Variants in PHKG1 observed in about 807,000 individuals in gnomAD.
PHKG1 encodes the protein phosphorylase b kinase gamma catalytic chain, skeletal muscle/heart isoform.
PHKG1 carries 48 observed loss-of-function variants against 50.5 expected under a neutral mutation model. That is an observed-to-expected ratio of 0.95 (90% CI 0.75 to 1.21). PHKG1 has a LOEUF of 1.21. Ranked by LOEUF, PHKG1 falls within the 50% of genes most tolerant of loss-of-function variation. PHKG1 has a pLI of 0.00. For synonymous variants in PHKG1, 204 were observed against 212.8 expected (o/e 0.96, Z 0.36); for missense variants, 487 against 519.5 (o/e 0.94, Z 0.61).
intron 4 of PHKG1, among the ~76,000 whole-genome samples, chr7:56,084,688 T>C (rs1796180205): frequency 6.6e-6 from 1 of 152,102 alleles, no homozygotes; most frequent in Admixed American, 6.5e-5. Context: ...TCCCGATTTT[T>C]TCCCAGGAAA....
intron 5 of PHKG1, 47 bp downstream of exon 5, chr7:56,083,603 C>G: frequency 6.5e-7 from 1 of 1,535,504 alleles, no homozygotes; most frequent in Non-Finnish European, 8.9e-7. Context: ...GCCTGTGGCC[C>G]TAAGCCACGT....
chr7:56,092,103 G>C (rs1310327419), intron 1 of PHKG1, among the ~76,000 whole-genome samples: 1 of 152,244 alleles, frequency 6.6e-6, no homozygotes, highest in African/African-American at 2.4e-5. Flanking sequence ...GGCACAGCCA[G>C]CTTGGCCAAC....
In PHKG1 at chr7:56,089,643, C is replaced by T. The variant is rs1796418268; in HGVS notation, c.-34-668G>A. Reference sequence around the variant, plus strand: ...GGTTCAAGCGATTCTCCTGCCTCAGCCTCCCAAGAAGCTGGAATTACAAGC... The same window carrying T: ...GGTTCAAGCGATTCTCCTGCCTCAGTCTCCCAAGAAGCTGGAATTACAAGC... On this transcript the variant is annotated intron_variant, in intron 1 of 9. Coordinates refer to ENST00000297373, the MANE Select transcript of PHKG1 (RefSeq NM_006213.5). Among the ~76,000 whole-genome samples, 3 of 152,074 alleles carry T rather than the reference C, an allele frequency of 2.0e-5. No homozygotes were observed. The South Asian group carries it at 6.2e-4, about 32-fold the overall frequency.
chr7:56,087,131 C>T, intron 3 of PHKG1, 107 bp from the exon 4 acceptor site: 1 of 812,430 alleles, frequency 1.2e-6, no homozygotes. Flanking sequence ...ACTTCAAAAG[C>T]TGACAGGGGA....
In PHKG1 at chr7:56,081,531, A is replaced by T; in HGVS notation, c.918+99T>A. 5 of 1,402,922 alleles carry T rather than the reference A, an allele frequency of 3.6e-6. No homozygotes were observed. The highest frequency in any genetic ancestry group is 3.0e-6 in the Non-Finnish European group (3 of 1,012,984). 86.9% of individuals were successfully genotyped at this position (1,402,922 alleles called of 1,614,324 possible). A position where few individuals can be genotyped will look rare whatever the true frequency, so the allele number is the denominator to read the frequency against. ...GGCAGCTGGGAGGGGAGGGATGGGT[A>T]CTCTGGAAATTCACGGGGTGTAAGG... On this transcript the variant is annotated intron_variant, in intron 9 of 9. Coordinates refer to ENST00000297373, the MANE Select transcript of PHKG1 (RefSeq NM_006213.5). The surrounding 1 kb of genome is among the most constrained non-coding windows in gnomAD (Gnocchi z 4.6).
chr7:56,087,194 T>TTTATTA (rs56665611), intron 3 of PHKG1, among the ~76,000 whole-genome samples, 170 bp from the exon 4 acceptor site: 10,307 of 135,962 alleles, frequency 0.076, 572 homozygotes, highest in African/African-American at 0.15. Context: ...GCCCAGGGAC[T>TTTATTA]TTATTATTAT....
At position 56,081,751 on chromosome 7, in the gene PHKG1, G is replaced by A. The variant is rs759279805; in HGVS notation, c.797C>T (p.Ser266Phe). 47 of 1,613,138 alleles carry A rather than the reference G, an allele frequency of 2.9e-5. No homozygotes were observed. The highest frequency in any genetic ancestry group is 4.0e-5 in the Non-Finnish European group (47 of 1,179,476). The change falls in exon 9 of 10, where the codon TCC becomes TTC. Residue 266 changes from serine to phenylalanine, a missense_variant. Transcript: ENST00000297373. This position sits in a 1 kb window ranked among gnomAD's most constrained non-coding sequence, Gnocchi z 4.6. ...CTGGGGTTGCACCACCAGGAATCGG[G>A]AGACCTGTGAGAGGAGGAGAGGGGA... is the stretch of plus-strand genomic sequence containing the variant. ...DYSDTVKDLV[S>F]RFLVVQPQNR...
intron 2 of PHKG1, 35 bp downstream of exon 2, chr7:56,088,824 A>AG (rs761323048): frequency 2.7e-6 from 4 of 1,475,808 alleles, no homozygotes; most frequent in Non-Finnish European, 3.8e-6. Flanking sequence ...GCTGGAGCCT[A>AG]GGACAGCACT....
At chr7:56,088,559 G>T in intron 2 of PHKG1, 7 of 230,926 alleles carry the variant, frequency 3.0e-5, no homozygotes, top group East Asian at 9.5e-5. Flanking sequence ...GTCTTGCTAT[G>T]TTGCCCAGGC....
rs779315870 is a variant in PHKG1 at position 56,088,917 on chromosome 7, C to A, written c.25G>T (p.Asp9Tyr). The part of the protein sequence containing the change: MTRDEALP[D>Y]SHSAQDFYEN... ...TAGAAGTCCTGTGCAGAATGAGAGTCCGGCAGTGCCTCGTCCCGGGTCATG... is the reference window on the plus strand; with the variant it reads ...TAGAAGTCCTGTGCAGAATGAGAGTACGGCAGTGCCTCGTCCCGGGTCATG... Residue 9 changes from aspartate (D) to tyrosine (Y), a missense_variant, in exon 2 of 10, where the codon GAC becomes TAC. Physicochemically the swap from Asp to Tyr is radical, Grantham distance 160. Coordinates refer to ENST00000297373, the MANE Select transcript of PHKG1 (RefSeq NM_006213.5). 16 of 1,613,458 alleles carry A rather than the reference C, an allele frequency of 9.9e-6. No individual in the cohort carries two copies. Among genetic ancestry groups the A allele is most frequent in the Non-Finnish European group, 1.4e-5 (16 of 1,179,704 alleles).
intron 6 of PHKG1, 117 bp from the exon 7 acceptor site, chr7:56,082,370 C>T: frequency 1.4e-6 from 1 of 714,476 alleles, no homozygotes; most frequent in East Asian, 2.7e-5. Flanking sequence ...AGGCAGGTGG[C>T]TCATCTGAGG....
At chr7:56,088,635 G>A in intron 2 of PHKG1, 1 of 463,442 alleles carries the variant, frequency 2.2e-6, no homozygotes, top group Non-Finnish European at 3.9e-6. Context: ...GGGATTACAG[G>A]TGTGAGCCAT....
At chr7:56,084,992 C>T (rs540356424) in intron 4 of PHKG1, among the ~76,000 whole-genome samples, 9 of 150,954 alleles carry the variant, frequency 6.0e-5, no homozygotes, top group African/African-American at 2.2e-4. Context: ...AGAAAGTCTT[C>T]CTCTGTTGCC....
chr7:56,088,789 G>C, intron 2 of PHKG1, 70 bp downstream of exon 2: 1 of 1,046,046 alleles, frequency 9.6e-7, no homozygotes, highest in Non-Finnish European at 1.5e-6. Context: ...GGGTGGAGCA[G>C]AGCTGGCTGT....
chr7:56,082,376 T>A, intron 6 of PHKG1, 123 bp from the exon 7 acceptor site: 1 of 680,844 alleles, frequency 1.5e-6, no homozygotes, highest in Non-Finnish European at 2.5e-6. Flanking sequence ...GTGGCTCATC[T>A]GAGGCCAGGA....
rs573821445 is a variant in PHKG1 at position 56,080,791 on chromosome 7, A to AG, written c.*262dup. 8.5e-4 allele frequency: 445 copies of AG among 525,972 alleles called. 2 individuals carry two copies. Among genetic ancestry groups the AG allele is most frequent in the African/African-American group, 7.7e-3 (403 of 52,602 alleles). 32.6% of individuals were successfully genotyped at this position (525,972 alleles called of 1,614,324 possible). A position where few individuals can be genotyped will look rare whatever the true frequency, so the allele number is the denominator to read the frequency against. On this transcript the variant is annotated 3_prime_UTR_variant, in exon 10 of 10. Coordinates refer to ENST00000297373, the MANE Select transcript of PHKG1 (RefSeq NM_006213.5). The stretch of plus-strand genomic sequence containing the variant: ...TGGCTCATCTAGGAAGTAGAGGAGC[A>AG]GGGGGTTCCTGGTTCTCAGGCCACG...
Position 56,081,150 on chromosome 7 carries a change from G to T in PHKG1, c.1068C>A (p.Gly356=), listed in dbSNP as rs766739121. 1.2e-6 allele frequency: 2 copies of T among 1,613,772 alleles called. No individual in the cohort carries two copies. The highest frequency in any genetic ancestry group is 2.7e-5 in the African/African-American group (2 of 74,910). The change falls in exon 10 of 10, where the codon GGC becomes GGA. Residue 356 remains glycine, a synonymous_variant. Coordinates refer to ENST00000297373, the MANE Select transcript of PHKG1 (RefSeq NM_006213.5). This position sits in a 1 kb window ranked among gnomAD's most constrained non-coding sequence, Gnocchi z 4.6. ...LIDAYAFRIY[G]HWVKKGQQQN... is the part of the protein sequence containing the mutation. ...GCTGCTGCCCCTTCTTCACCCAGTG[G>T]CCATAGATTCGGAAAGCGTAGGCGT...
Position 56,083,253 on chromosome 7 carries a change from G to A in PHKG1, c.547+25C>T, listed in dbSNP as rs939696784. The stretch of plus-strand genomic sequence containing the variant: ...TTGATTGAGCACCCGAGGCCTGGAC[G>A]TGGGCCAAGGCCATGTTACCAGACC... On this transcript the variant is annotated intron_variant, in intron 6 of 9. Coordinates refer to ENST00000297373, the MANE Select transcript of PHKG1 (RefSeq NM_006213.5). The A allele has an allele frequency of 5.0e-6, 8 of 1,610,770 alleles. No homozygotes were observed. In the African/African-American group the frequency reaches 6.7e-5, roughly 13 times the overall value.
intron 6 of PHKG1, among the ~76,000 whole-genome samples, chr7:56,082,871 G>T (rs1796076455): frequency 6.6e-6 from 1 of 152,108 alleles, no homozygotes; most frequent in Admixed American, 6.6e-5. Flanking sequence ...ACTTTGGGAG[G>T]CCGAGGCGGG....
Sources: gnomAD v4.1 joint callset for allele counts (sites outside exome capture counted in the v4.1 genomes callset) on GRCh38, gnomAD v4.1.1 for gene constraint, Gnocchi (gnomAD v3.1) non-coding constraint, MANE v1.5 for transcripts, NCBI Gene and HGNC (gene_info 2026-07-23, HGNC 2026-07-21) for gene names.